SEC23IP: variants seen among roughly 807,000 people sequenced by gnomAD.
SEC23IP encodes SEC23 interacting protein, also known as SEC23-interacting protein.
Under a neutral mutation model 113.4 loss-of-function variants are expected in SEC23IP, and 70 were observed. The observed-to-expected ratio is 0.62, with a 90% CI of 0.51 to 0.75. SEC23IP has a LOEUF of 0.75. Ranked by LOEUF, SEC23IP falls within the 30% of genes least tolerant of loss-of-function variation. The pLI, the probability that SEC23IP is intolerant of heterozygous loss-of-function variation, is 0.00. For missense variants in SEC23IP, 1,160 were observed against 1,204.9 expected (o/e 0.96, Z 0.55); for synonymous variants, 398 against 421.0 (o/e 0.95, Z 0.67).
chr10:119,939,105 T>TC, intron 18 of SEC23IP, among the ~76,000 whole-genome samples: 1 of 151,858 alleles, frequency 6.6e-6, no homozygotes, highest in Non-Finnish European at 1.5e-5. Context: ...GCTCAGGAGT[T>TC]CGAGACCAGC....
chr10:119,901,047 G>C (rs370357952), intron 2 of SEC23IP, among the ~76,000 whole-genome samples: 23 of 128,364 alleles, frequency 1.8e-4, no homozygotes, highest in South Asian at 1.7e-3. Flanking sequence ...TAAAGAGTGG[G>C]GGGGGGGTCT....
At position 119,893,675 on chromosome 10, in the gene SEC23IP, A is replaced by G. The variant is rs183930828; in HGVS notation, c.163+730A>G. ...GCTGGGACTACAGGCGTCTGCCACC[A>G]TGCCTGGCTAATTTTTGTATTTGTA... On this transcript the variant is annotated intron_variant, in intron 1 of 18. Coordinates refer to ENST00000369075, the MANE Select transcript of SEC23IP (RefSeq NM_007190.4). Among the ~76,000 whole-genome samples the G allele has an allele frequency of 8.4e-3, 1,273 of 152,056 alleles. 14 individuals are homozygous for G. Among genetic ancestry groups the G allele is most frequent in the African/African-American group, 0.029 (1,193 of 41,486 alleles).
intron 17 of SEC23IP, 76 bp downstream of exon 17, chr10:119,933,243 G>A: frequency 8.5e-7 from 1 of 1,179,274 alleles, no homozygotes; most frequent in Non-Finnish European, 1.2e-6. Context: ...GTTTTAGTGA[G>A]ATTCTTTTAC....
At chr10:119,925,206 G>A (rs746971994) in intron 12 of SEC23IP, among the ~76,000 whole-genome samples, 2 of 152,114 alleles carry the variant, frequency 1.3e-5, no homozygotes, top group Non-Finnish European at 2.9e-5. Flanking sequence ...TGTTTCATGA[G>A]AGAGCTCAGG....
At chr10:119,937,751 A>G (rs1275388867) in intron 18 of SEC23IP, among the ~76,000 whole-genome samples, 1 of 152,140 alleles carries the variant, frequency 6.6e-6, no homozygotes, top group Admixed American at 6.5e-5. Context: ...TTAGAAGAGT[A>G]AGGTGTAGAG....
In SEC23IP at chr10:119,933,023, G is replaced by C; in HGVS notation, c.2777G>C (p.Ser926Thr). The change falls in exon 17 of 19, where the codon AGT becomes ACT. Residue 926 changes from serine to threonine, a missense_variant. By Grantham distance (58) the Ser-to-Thr change is moderately conservative (BLOSUM62 1). Transcript: ENST00000369075. ...QVVEAEKVVE[S>T]PDFSKDEDYL... ...ATTCTAGCAGAAAAGGTTGTTGAAA[G>C]TCCAGATTTTTCCAAGGATGAGGAC... 1.2e-6 allele frequency: 2 copies of C among 1,613,650 alleles called. No individual in the cohort carries two copies. The highest frequency in any genetic ancestry group is 1.7e-6 in the Non-Finnish European group (2 of 1,179,842).
chr10:119,914,630 G>A, intron 6 of SEC23IP, 100 bp from the exon 7 acceptor site: 1 of 912,950 alleles, frequency 1.1e-6, no homozygotes, highest in Non-Finnish European at 1.8e-6. Flanking sequence ...AATTTCTTTG[G>A]CAAGTTTGTG....
In SEC23IP at chr10:119,898,501, T is replaced by A; in HGVS notation, c.238T>A (p.Phe80Ile). 6.2e-7 allele frequency: 1 copy of A among 1,614,098 alleles called. No homozygotes were observed. Among genetic ancestry groups the A allele is most frequent in the South Asian group, 1.1e-5 (1 of 91,078 alleles). The change falls in exon 2 of 19, where the codon TTT (phenylalanine) becomes ATT (isoleucine). Residue 80 changes from phenylalanine to isoleucine, a missense_variant. By Grantham distance (21) the Phe-to-Ile change is conservative (BLOSUM62 0). Coordinates refer to ENST00000369075, the MANE Select transcript of SEC23IP (RefSeq NM_007190.4). ...TSIHTSAPQT[F>I]SYFSQVSSSS... is the part of the protein sequence containing the mutation. The stretch of plus-strand genomic sequence containing the variant: ...TATTCACACATCTGCCCCACAGACA[T>A]TTAGTTACTTCTCTCAGGTATCAAG...
At chr10:119,938,108 T>C (rs1220439540) in intron 18 of SEC23IP, among the ~76,000 whole-genome samples, 2 of 146,092 alleles carry the variant, frequency 1.4e-5, no homozygotes, top group South Asian at 4.4e-4. Context: ...CTGGGCAACA[T>C]AGTGAAACCT....
intron 12 of SEC23IP, 114 bp from the exon 13 acceptor site, chr10:119,925,922 T>G: frequency 1.2e-6 from 1 of 822,408 alleles, no homozygotes; most frequent in Non-Finnish European, 1.9e-6. Context: ...ATGTTGTTAC[T>G]ATTCCTAAGA....
chr10:119,923,631 C>A (rs2134508287), intron 12 of SEC23IP, among the ~76,000 whole-genome samples: 1 of 152,074 alleles, frequency 6.6e-6, no homozygotes, highest in South Asian at 2.1e-4. Flanking sequence ...TCACTGCAAC[C>A]TCTGCCTCCC....
chr10:119,933,069 G>A lies in SEC23IP; in HGVS notation c.2823G>A (p.Met941Ile), dbSNP rs878972029. Residue 941 changes from methionine to isoleucine, a missense_variant, in exon 17 of 19, where the codon ATG (methionine) becomes ATA (isoleucine). Physicochemically the swap from Met to Ile is conservative, Grantham distance 10. Coordinates refer to ENST00000369075, the MANE Select transcript of SEC23IP (RefSeq NM_007190.4). ...KDEDYLGKVG[M>I]LNGGRRIDYV... Reference sequence around the variant, plus strand: ...AGGACTACTTAGGAAAGGTTGGAATGTTAAATGGAGGCCGCCGAATTGACT... The same window carrying A: ...AGGACTACTTAGGAAAGGTTGGAATATTAAATGGAGGCCGCCGAATTGACT... 2 of 1,613,940 alleles carry A rather than the reference G, an allele frequency of 1.2e-6. No individual in the cohort carries two copies. Among genetic ancestry groups the A allele is most frequent in the African/African-American group, 1.3e-5 (1 of 74,916 alleles).
chr10:119,907,649 A>G (rs1737934372), intron 4 of SEC23IP, among the ~76,000 whole-genome samples: 1 of 151,978 alleles, frequency 6.6e-6, no homozygotes, highest in Non-Finnish European at 1.5e-5. Context: ...TTAGAAAACC[A>G]CAACAATAAA....
At chr10:119,932,358 T>A (rs1292831224) in intron 16 of SEC23IP, 40 bp downstream of exon 16, 4 of 1,462,778 alleles carry the variant, frequency 2.7e-6, no homozygotes, top group Non-Finnish European at 2.9e-6. Context: ...TACAAATGTT[T>A]CATATGAACA....
At chr10:119,924,243 C>T (rs1041998942) in intron 12 of SEC23IP, among the ~76,000 whole-genome samples, 2 of 152,162 alleles carry the variant, frequency 1.3e-5, no homozygotes, top group African/African-American at 4.8e-5. Context: ...TTTTGGCCAG[C>T]TGTGGTTGTT....
Position 119,909,783 on chromosome 10 carries a change from C to A in SEC23IP, c.1191+653C>A, listed in dbSNP as rs527667383. 3.3e-5 allele frequency among the ~76,000 whole-genome samples: 5 copies of A among 151,500 alleles called. No homozygotes were observed. In the South Asian group the frequency reaches 1.0e-3, roughly 32 times the overall value. On this transcript the variant is annotated intron_variant, in intron 5 of 18. Coordinates refer to ENST00000369075, the MANE Select transcript of SEC23IP (RefSeq NM_007190.4). ...AGTGGTGTGCACCTGTCTAGCTACT[C>A]GGGAGGCTGAGATAGAGGATCACTT...
intron 1 of SEC23IP, among the ~76,000 whole-genome samples, chr10:119,897,627 C>T (rs1854320356): frequency 2.0e-5 from 3 of 152,068 alleles, no homozygotes; most frequent in Admixed American, 2.0e-4. Context: ...CTTGTTATCA[C>T]TATAGAAATA....
At chr10:119,906,780 T>G (rs1011263333) in intron 4 of SEC23IP, among the ~76,000 whole-genome samples, 4 of 151,832 alleles carry the variant, frequency 2.6e-5, no homozygotes, top group African/African-American at 4.8e-5. Context: ...TTCACCATGT[T>G]GGCCAGGATG....
intron 4 of SEC23IP, among the ~76,000 whole-genome samples, chr10:119,906,657 C>T (rs1454254987): frequency 6.6e-6 from 1 of 152,090 alleles, no homozygotes; most frequent in African/African-American, 2.4e-5. Flanking sequence ...CTCACTGTAA[C>T]CTCAGCCTCC....
Sources: allele counts gnomAD v4.1 joint callset (sites outside exome capture counted in the v4.1 genomes callset), GRCh38; gene constraint gnomAD v4.1.1; transcripts MANE v1.5; gene names NCBI Gene and HGNC (gene_info 2026-07-23, HGNC 2026-07-21).